TIMM17A: variants seen among roughly 807,000 people sequenced by gnomAD.
The protein encoded by TIMM17A is mitochondrial import inner membrane translocase subunit Tim17-A.
In TIMM17A, 15 loss-of-function variants were observed where a neutral mutation model predicts 26.5. The observed-to-expected ratio is 0.57, with a 90% CI of 0.38 to 0.87. The LOEUF (loss-of-function observed/expected upper bound fraction) is 0.87, where lower values mean the gene tolerates loss of function less well. TIMM17A is among the 40% of genes least tolerant of loss of function. TIMM17A has a pLI of 0.00. For missense variants in TIMM17A, 201 were observed against 210.0 expected, an observed-to-expected ratio of 0.96 and a Z score of 0.27; for synonymous variants, 80 against 70.8, an observed-to-expected ratio of 1.13 and a Z score of -0.66.
Position 201,970,438 on chromosome 1 carries a change from A to C in TIMM17A, c.*884A>C, listed in dbSNP as rs1316913859. The stretch of plus-strand genomic sequence containing the variant: ...CACTTCAGAACAGGTCATTTTCCTG[A>C]TATTGGAAGTGACATGTGGCCCTAT... On this transcript the variant is annotated 3_prime_UTR_variant, in exon 6 of 6. Coordinates refer to ENST00000367287, the MANE Select transcript of TIMM17A (RefSeq NM_006335.3). 1 of 152,172 alleles carries C rather than the reference A, an allele frequency of 6.6e-6. No homozygotes were observed. Among genetic ancestry groups the C allele is most frequent in the African/African-American group, 2.4e-5 (1 of 41,426 alleles). The allele number at this position is 152,172 out of a possible 1,614,324, so 9.4% of individuals were successfully genotyped here.
Position 201,957,560 on chromosome 1 carries a change from C to T in TIMM17A, c.176C>T (p.Ala59Val). 1.2e-6 allele frequency: 2 copies of T among 1,613,318 alleles called. No individual in the cohort carries two copies. Among genetic ancestry groups the T allele is most frequent in the Non-Finnish European group, 1.7e-6 (2 of 1,179,904 alleles). Residue 59 changes from alanine to valine, a missense_variant, in exon 3 of 6, where the codon GCT becomes GTT. Ala to Val is a moderately conservative substitution (Grantham distance 64, BLOSUM62 0). Transcript: ENST00000367287. ...AGTTTGACAGCTATTAAAACCAGGG[C>T]TCCACAGTTAGGAGGTAAGCAGAAT... ...RGSLTAIKTR[A>V]PQLGGSFAVW...
At chr1:201,961,969 C>T (rs1364078249) in intron 3 of TIMM17A, among the ~76,000 whole-genome samples, 6 of 151,972 alleles carry the variant, frequency 3.9e-5, no homozygotes, top group African/African-American at 7.2e-5. Context: ...ACCTTGTTCT[C>T]GGGTGTCCAG....
chr1:201,964,674 A>G (rs1246074256), intron 4 of TIMM17A, among the ~76,000 whole-genome samples: 1 of 93,292 alleles, frequency 1.1e-5, no homozygotes, highest in African/African-American at 5.1e-5. Flanking sequence ...TTTGAGACTG[A>G]GTCTCACTCT....
At chr1:201,956,451 G>T (rs1203113397) in intron 1 of TIMM17A, among the ~76,000 whole-genome samples, 2 of 152,140 alleles carry the variant, frequency 1.3e-5, no homozygotes, top group Non-Finnish European at 2.9e-5. Flanking sequence ...TAGCCTTGTT[G>T]CATGTTTTAT....
rs1482358537 is a variant in TIMM17A, at chr1:201,957,395, G to A, written c.126+15G>A. 6 of 1,605,250 alleles carry A rather than the reference G, an allele frequency of 3.7e-6. No individual in the cohort carries two copies. In the Admixed American group the frequency reaches 5.0e-5, roughly 13 times the overall value. ...ATTCTCCAGTGGTAAGTGGGTGAAT[G>A]GTCTTATTTTATCATCACTTGCAAC... On this transcript the variant is annotated intron_variant, in intron 2 of 5. Coordinates refer to ENST00000367287, the MANE Select transcript of TIMM17A (RefSeq NM_006335.3).
In TIMM17A at chr1:201,969,379, GTTGA is replaced by G. The variant is rs1474988639; in HGVS notation, c.431-83_431-80del. 4.8e-6 allele frequency: 5 copies of G among 1,032,620 alleles called. No homozygotes were observed. The African/African-American group carries it at 4.9e-5, about 10-fold the overall frequency. The allele number at this position is 1,032,620 out of a possible 1,614,324, so 64.0% of individuals were successfully genotyped here. A position where few individuals can be genotyped will look rare whatever the true frequency, so the allele number is the denominator to read the frequency against. ...CTTTAATTTAGCACATTTTTTTGTTGTTGATTGATTTACTCTCTATAGAGATTTG... is the reference window on the plus strand; with the variant it reads ...CTTTAATTTAGCACATTTTTTTGTTGTTGATTTACTCTCTATAGAGATTTG... On this transcript the variant is annotated intron_variant, in intron 5 of 5. Coordinates refer to ENST00000367287, the MANE Select transcript of TIMM17A (RefSeq NM_006335.3).
At chr1:201,968,479 A>G (rs1056609062) in intron 5 of TIMM17A, among the ~76,000 whole-genome samples, 2 of 147,352 alleles carry the variant, frequency 1.4e-5, no homozygotes, top group Admixed American at 6.9e-5. Flanking sequence ...TGCAACCTCC[A>G]CCTCCCAGGT....
rs1396116673 is a variant in TIMM17A at position 201,967,352 on chromosome 1, TG to T, written c.430+1810del. Among the ~76,000 whole-genome samples the T allele has an allele frequency of 9.9e-5, 15 of 152,232 alleles. 1 individual carries two copies. Among genetic ancestry groups the T allele is most frequent in the Admixed American group, 6.5e-4 (10 of 15,276 alleles). On this transcript the variant is annotated intron_variant, in intron 5 of 5. Transcript: ENST00000367287. ...TGTAGTGATGGTCACTTTCCAATTT[TG>T]TTTTGACTGCTTCAGTGTGAAAGAC... is the stretch of plus-strand genomic sequence containing the variant.
chr1:201,967,196 A>G (rs12090635), intron 5 of TIMM17A, among the ~76,000 whole-genome samples: 32,972 of 151,776 alleles, frequency 0.22, 3,688 homozygotes, highest in East Asian at 0.25. Context: ...GCACCTAGCA[A>G]GAGATTCAGT....
At chr1:201,961,329 A>G (rs1682524233) in intron 3 of TIMM17A, among the ~76,000 whole-genome samples, 5 of 152,100 alleles carry the variant, frequency 3.3e-5, no homozygotes, top group South Asian at 4.1e-4. Context: ...GGCCTCCCAA[A>G]GTGCTAGGAT....
intron 4 of TIMM17A, 39 bp downstream of exon 4, chr1:201,963,783 T>G (rs765526422): frequency 5.1e-6 from 8 of 1,556,140 alleles, no homozygotes; most frequent in African/African-American, 1.4e-5. Context: ...GAAGCCACAC[T>G]TTTAGGAAAA....
chr1:201,958,971 G>A (rs1010124234), intron 3 of TIMM17A, among the ~76,000 whole-genome samples: 6 of 152,146 alleles, frequency 3.9e-5, no homozygotes, highest in African/African-American at 1.4e-4. Context: ...AAAGTAATTA[G>A]TAACTAATTT....
At chr1:201,963,500 T>C in intron 3 of TIMM17A, 116 bp from the exon 4 acceptor site, 5 of 1,001,322 alleles carry the variant, frequency 5.0e-6, no homozygotes, top group Non-Finnish European at 7.4e-6. Flanking sequence ...TGTTTGCATG[T>C]ATTTGTTTGG....
intron 3 of TIMM17A, among the ~76,000 whole-genome samples, chr1:201,958,437 T>C (rs1430636545): frequency 6.6e-6 from 1 of 152,270 alleles, no homozygotes; most frequent in Non-Finnish European, 1.5e-5. Flanking sequence ...GCGCAATGGC[T>C]CACGCCAATA....
chr1:201,957,266 TCC>T lies in TIMM17A; in HGVS notation c.27-11_27-10del. On this transcript the variant is annotated splice_polypyrimidine_tract_variant and intron_variant, in intron 1 of 5. Transcript: ENST00000367287. ...TGAATGAGAAATATGGTCTTTTTTTTCCCCCTGTTCTTAGCCCATGGCGAATT... is the reference window on the plus strand; with the variant it reads ...TGAATGAGAAATATGGTCTTTTTTTTCCCTGTTCTTAGCCCATGGCGAATT... 6.5e-7 allele frequency: 1 copy of T among 1,530,464 alleles called. No homozygotes were observed. 94.8% of individuals were successfully genotyped at this position (1,530,464 alleles called of 1,614,324 possible).
chr1:201,969,364 G>A, intron 5 of TIMM17A, 105 bp from the exon 6 acceptor site: 1 of 883,502 alleles, frequency 1.1e-6, no homozygotes, highest in Non-Finnish European at 1.8e-6. Context: ...CTTTAATTTA[G>A]CACATTTTTT....
chr1:201,969,717 G>A lies in TIMM17A; in HGVS notation c.*163G>A, dbSNP rs1682698427. The A allele has an allele frequency of 5.6e-6, 3 of 534,272 alleles. No individual in the cohort carries two copies. The highest frequency in any genetic ancestry group is 1.9e-5 in the African/African-American group (1 of 51,732). 33.1% of individuals were successfully genotyped at this position (534,272 alleles called of 1,614,324 possible). A position where few individuals can be genotyped will look rare whatever the true frequency, so the allele number is the denominator to read the frequency against. On this transcript the variant is annotated 3_prime_UTR_variant, in exon 6 of 6. Coordinates refer to ENST00000367287, the MANE Select transcript of TIMM17A (RefSeq NM_006335.3). ...TTTTCTATTTAAAGGAACAAGCGGG[G>A]AAGGGTGCTAAAAGATAATACGTTT...
Position 201,965,555 on chromosome 1 carries a change from T to C in TIMM17A, c.430+12T>C. 2 of 1,508,824 alleles carry C rather than the reference T, an allele frequency of 1.3e-6. No homozygotes were observed. The highest frequency in any genetic ancestry group is 2.3e-5 in the East Asian group (1 of 44,420). The allele number at this position is 1,508,824 out of a possible 1,614,324, so 93.5% of individuals were successfully genotyped here. A position where few individuals can be genotyped will look rare whatever the true frequency, so the allele number is the denominator to read the frequency against. On this transcript the variant is annotated intron_variant, in intron 5 of 5. Coordinates refer to ENST00000367287, the MANE Select transcript of TIMM17A (RefSeq NM_006335.3). Reference sequence around the variant, plus strand: ...ACAGTTTCCCAATGGTGAGTCTTTTTGCTTAAAACTATAGCTCAAACATTT... The same window carrying C: ...ACAGTTTCCCAATGGTGAGTCTTTTCGCTTAAAACTATAGCTCAAACATTT...
At chr1:201,964,838 CG>C (rs1302076715) in intron 4 of TIMM17A, among the ~76,000 whole-genome samples, 1 of 149,796 alleles carries the variant, frequency 6.7e-6, no homozygotes, top group African/African-American at 2.5e-5. Context: ...TTAGTGGAGA[CG>C]GGGTTTTACC....
Sources: allele counts gnomAD v4.1 joint callset (sites outside exome capture counted in the v4.1 genomes callset), GRCh38; gene constraint gnomAD v4.1.1; transcripts MANE v1.5; gene names NCBI Gene and HGNC (gene_info 2026-07-23, HGNC 2026-07-21).